The following SGMS1 variants were observed in gnomAD, a reference collection of about 807,000 sequenced individuals.
The protein encoded by SGMS1 is phosphatidylcholine:ceramide cholinephosphotransferase 1.
A neutral mutation model predicts 46.2 loss-of-function variants in SGMS1; 13 were observed. That is an observed-to-expected ratio of 0.28 (90% CI 0.18 to 0.45). SGMS1 has a LOEUF of 0.45. SGMS1 is among the 20% of genes least tolerant of loss of function. The pLI, the probability that SGMS1 is intolerant of heterozygous loss-of-function variation, is 1.00. For missense variants in SGMS1, 324 were observed against 519.9 expected (o/e 0.62, Z 3.66); for synonymous variants, 203 against 187.8 (o/e 1.08, Z -0.66).
In SGMS1 at chr10:50,582,034, C is replaced by T. The variant is rs555920713; in HGVS notation, c.-589+8119G>A. On this transcript the variant is annotated intron_variant, in intron 2 of 10. Transcript: ENST00000361781. ...CAGAGCCTGTCCTGCAGTGAAGAAG[C>T]GGCTCTGGCCCTCCAGCAAGCTTTG... Among the ~76,000 whole-genome samples the T allele has an allele frequency of 2.6e-5, 4 of 152,320 alleles. No homozygotes were observed. In the South Asian group the frequency reaches 6.2e-4, roughly 24 times the overall value.
chr10:50,570,843 T>C (rs1838330991), intron 2 of SGMS1, among the ~76,000 whole-genome samples: 1 of 152,108 alleles, frequency 6.6e-6, no homozygotes, highest in Non-Finnish European at 1.5e-5. Context: ...GAGGCTGAGG[T>C]GGGGGGATCA....
intron 2 of SGMS1, among the ~76,000 whole-genome samples, chr10:50,574,964 T>TATATATATATATATATATAG: frequency 2.6e-5 from 1 of 38,088 alleles, no homozygotes; most frequent in Non-Finnish European, 4.1e-5. Context: ...AAATGTGGTG[T>TATATATATATATATATATAG]ATATATATAT....
At chr10:50,471,031 T>C (rs1277550368) in intron 3 of SGMS1, among the ~76,000 whole-genome samples, 2 of 152,144 alleles carry the variant, frequency 1.3e-5, no homozygotes, top group African/African-American at 2.4e-5. Context: ...CCAAGAAATA[T>C]ACCACATGCC....
chr10:50,483,183 G>A (rs779494173), intron 3 of SGMS1, among the ~76,000 whole-genome samples: 1 of 152,100 alleles, frequency 6.6e-6, no homozygotes, highest in Non-Finnish European at 1.5e-5. Context: ...GGGTTCAAGC[G>A]ATTCTCCTGC....
intron 2 of SGMS1, among the ~76,000 whole-genome samples, chr10:50,567,119 G>T (rs958853064): frequency 1.3e-5 from 2 of 152,076 alleles, no homozygotes; most frequent in Non-Finnish European, 2.9e-5. Context: ...GCTAATTTTT[G>T]TATTTTTACT....
intron 6 of SGMS1, among the ~76,000 whole-genome samples, chr10:50,366,168 G>T (rs1044137543): frequency 6.6e-6 from 1 of 152,090 alleles, no homozygotes; most frequent in Non-Finnish European, 1.5e-5. Context: ...GAAAATTTTT[G>T]CAATCTACCC....
chr10:50,427,373 T>C (rs1056295986), intron 6 of SGMS1, among the ~76,000 whole-genome samples: 3 of 152,232 alleles, frequency 2.0e-5, no homozygotes, highest in Non-Finnish European at 2.9e-5. Flanking sequence ...CACTCCAGCC[T>C]GTGTAACAGA....
intron 5 of SGMS1, among the ~76,000 whole-genome samples, chr10:50,454,916 G>A (rs1461349936): frequency 6.6e-6 from 1 of 152,168 alleles, no homozygotes; most frequent in Non-Finnish European, 1.5e-5. Context: ...ATCTAAAATA[G>A]TCTTTCCTAC....
chr10:50,448,121 C>T (rs1486802422), intron 5 of SGMS1, among the ~76,000 whole-genome samples: 1 of 152,050 alleles, frequency 6.6e-6, no homozygotes, highest in East Asian at 1.9e-4. Context: ...TTGTCCCCAC[C>T]ACTGTATATT....
intron 2 of SGMS1, among the ~76,000 whole-genome samples, chr10:50,568,467 C>T (rs1838309088): frequency 6.6e-6 from 1 of 152,198 alleles, no homozygotes; most frequent in Admixed American, 6.5e-5. Flanking sequence ...TGTCTAAGCC[C>T]ATCCCTTCAG....
intron 3 of SGMS1, among the ~76,000 whole-genome samples, chr10:50,481,759 A>G (rs181445319): frequency 6.0e-4 from 91 of 152,350 alleles, no homozygotes; most frequent in African/African-American, 1.9e-3. Context: ...AACCCAATGC[A>G]AAAAGGCTAA....
chr10:50,560,021 T>C (rs984565828), intron 2 of SGMS1, among the ~76,000 whole-genome samples: 1 of 148,380 alleles, frequency 6.7e-6, no homozygotes, highest in Non-Finnish European at 1.5e-5. Context: ...ATTTGTTGCA[T>C]ACACGTGTAT....
chr10:50,586,448 T>C (rs1212138406), intron 2 of SGMS1, among the ~76,000 whole-genome samples: 2 of 152,250 alleles, frequency 1.3e-5, no homozygotes, highest in African/African-American at 4.8e-5. Flanking sequence ...TTGATAACTA[T>C]ACTACAGGCT....
intron 2 of SGMS1, among the ~76,000 whole-genome samples, chr10:50,536,625 T>C (rs1023678103): frequency 2.0e-5 from 3 of 152,228 alleles, no homozygotes; most frequent in Admixed American, 2.0e-4. Flanking sequence ...TTCTCAAAGA[T>C]AATCCAAGTG....
chr10:50,317,960 C>A (rs1847374590), intron 8 of SGMS1, among the ~76,000 whole-genome samples: 1 of 152,052 alleles, frequency 6.6e-6, no homozygotes, highest in Admixed American at 6.6e-5. Context: ...CATGCCGCCA[C>A]ACCCGGCTAA....
chr10:50,624,898 C>T (rs1041069562), upstream of SGMS1: 19 of 1,003,260 alleles, frequency 1.9e-5, no homozygotes, highest in Middle Eastern at 4.8e-4. Flanking sequence ...GGGGAAGGGG[C>T]GCGGCTACGG....
chr10:50,508,696 T>C (rs1297905236), intron 3 of SGMS1, among the ~76,000 whole-genome samples: 2 of 152,170 alleles, frequency 1.3e-5, no homozygotes, highest in African/African-American at 2.4e-5. Context: ...CAATTCTCTA[T>C]ACCTTTTGGA....
chr10:50,433,089 C>G (rs1849425805), intron 6 of SGMS1, among the ~76,000 whole-genome samples: 1 of 152,066 alleles, frequency 6.6e-6, no homozygotes, highest in Non-Finnish European at 1.5e-5. Flanking sequence ...TCAAAATATG[C>G]CCACAGAAAA....
intron 2 of SGMS1, among the ~76,000 whole-genome samples, chr10:50,563,326 T>G (rs912420105): frequency 2.0e-5 from 3 of 152,258 alleles, no homozygotes; most frequent in African/African-American, 7.2e-5. Flanking sequence ...GTCTTGTAGC[T>G]ACTGAAATAA....
Sources: allele counts gnomAD v4.1 joint callset (sites outside exome capture counted in the v4.1 genomes callset), GRCh38; gene constraint gnomAD v4.1.1; transcripts MANE v1.5; gene names NCBI Gene and HGNC (gene_info 2026-07-23, HGNC 2026-07-21).